SORCS3: variants seen among roughly 807,000 people sequenced by gnomAD.
The protein encoded by SORCS3 is sortilin related VPS10 domain containing receptor 3, also known as VPS10 domain-containing receptor SorCS3.
SORCS3 carries 57 observed loss-of-function variants against 146.3 expected under a neutral mutation model. The observed-to-expected ratio is 0.39, with a 90% CI of 0.31 to 0.49. The LOEUF (loss-of-function observed/expected upper bound fraction) is 0.49. SORCS3 is among the 20% of genes least tolerant of loss of function. The pLI, the probability that SORCS3 is intolerant of heterozygous loss-of-function variation, is 0.92. For missense variants in SORCS3, 1,341 were observed against 1,575.5 expected (o/e 0.85, Z 2.52); for synonymous variants, 653 against 618.5 (o/e 1.06, Z -0.83).
At chr10:104,789,248 C>G (rs1439411124) in intron 1 of SORCS3, among the ~76,000 whole-genome samples, 2 of 152,190 alleles carry the variant, frequency 1.3e-5, no homozygotes, top group African/African-American at 4.8e-5. Context: ...TCCAAGAGGT[C>G]CTGTCCTCCT....
At chr10:105,237,549 A>G (rs2056799737) in intron 20 of SORCS3, among the ~76,000 whole-genome samples, 1 of 152,208 alleles carries the variant, frequency 6.6e-6, no homozygotes. Flanking sequence ...TTTTCAGTGC[A>G]GTGCTATTTG....
intron 1 of SORCS3, among the ~76,000 whole-genome samples, chr10:104,821,465 C>T (rs1206948464): frequency 1.3e-5 from 2 of 151,954 alleles, no homozygotes. Flanking sequence ...GGTTTGTGTT[C>T]CTTTTTGGGT....
At chr10:105,100,270 C>T (rs1057017420) in intron 6 of SORCS3, among the ~76,000 whole-genome samples, 3 of 152,150 alleles carry the variant, frequency 2.0e-5, no homozygotes, top group Admixed American at 2.0e-4. Context: ...AGACATTTTA[C>T]ATTTAGAAAT....
intron 14 of SORCS3, among the ~76,000 whole-genome samples, chr10:105,188,429 G>A (rs2056492615): frequency 1.3e-5 from 2 of 152,122 alleles, no homozygotes; most frequent in Admixed American, 1.3e-4. Context: ...CTCTCCCTTT[G>A]AGGTTGTGAT....
intron 1 of SORCS3, among the ~76,000 whole-genome samples, chr10:104,784,318 G>A (rs2017407807): frequency 6.6e-6 from 1 of 152,134 alleles, no homozygotes; most frequent in Non-Finnish European, 1.5e-5. Context: ...GTAGAGGCCA[G>A]GGAGGCTGCT....
At chr10:105,006,960 G>A (rs1422393006) in intron 4 of SORCS3, among the ~76,000 whole-genome samples, 3 of 152,222 alleles carry the variant, frequency 2.0e-5, no homozygotes, top group Non-Finnish European at 4.4e-5. Context: ...GGAAGGAAAA[G>A]ACTTGGTCTC....
chr10:105,258,344 A>G (rs2056942548), intron 25 of SORCS3, among the ~76,000 whole-genome samples: 1 of 152,230 alleles, frequency 6.6e-6, no homozygotes, highest in Non-Finnish European at 1.5e-5. Flanking sequence ...CAATATAGAA[A>G]CAGCCTGGTT....
chr10:105,199,221 G>T (rs1424948369), intron 14 of SORCS3, among the ~76,000 whole-genome samples: 1 of 151,710 alleles, frequency 6.6e-6, no homozygotes, highest in Non-Finnish European at 1.5e-5. Context: ...GAGTATGGAT[G>T]ATCAGTCTTT....
intron 14 of SORCS3, among the ~76,000 whole-genome samples, chr10:105,182,230 C>CTTTTTTTTTGTTTTTTTTTT (rs2056446852): frequency 2.8e-5 from 2 of 70,486 alleles, no homozygotes; most frequent in Non-Finnish European, 5.3e-5. Flanking sequence ...TATTCAGCAT[C>CTTTTTTTTTGTTTTTTTTTT]TTTTTTTTTT....
chr10:105,054,862 A>G (rs1248238062), intron 5 of SORCS3, among the ~76,000 whole-genome samples: 5 of 152,306 alleles, frequency 3.3e-5, no homozygotes, highest in Non-Finnish European at 5.9e-5. Context: ...AAATAAAACC[A>G]AAATAGAACT....
rs541147753 is a variant in SORCS3 at position 105,155,111 on chromosome 10, C to T, written c.1483-2027C>T. ...CTACATCTTTTTAGTCCCCATTCCC[C>T]TGGTTTTGTTCTCAGAATATGTGGG... is the stretch of plus-strand genomic sequence containing the variant. On this transcript the variant is annotated intron_variant, in intron 9 of 26. Transcript: ENST00000369701. 6.6e-5 allele frequency among the ~76,000 whole-genome samples: 10 copies of T among 152,306 alleles called. No homozygotes were observed. The South Asian group carries it at 1.9e-3, about 28-fold the overall frequency.
intron 1 of SORCS3, among the ~76,000 whole-genome samples, chr10:104,691,646 T>C (rs1327244797): frequency 6.6e-6 from 1 of 152,242 alleles, no homozygotes; most frequent in African/African-American, 2.4e-5. Context: ...TTGGCTGCCC[T>C]GTCCCTCCCT....
At chr10:104,953,029 G>C (rs1342449669) in intron 3 of SORCS3, among the ~76,000 whole-genome samples, 2 of 152,162 alleles carry the variant, frequency 1.3e-5, no homozygotes, top group Non-Finnish European at 2.9e-5. Context: ...ACCTTCTGGG[G>C]CTTATTGTGT....
In SORCS3 at chr10:105,020,454, G is replaced by A. The variant is rs569837905; in HGVS notation, c.955-22601G>A. On this transcript the variant is annotated intron_variant, in intron 4 of 26. Coordinates refer to ENST00000369701, the MANE Select transcript of SORCS3 (RefSeq NM_014978.3). ...ATCTATATGACATAGGTGTGTCATC[G>A]TATTCTCTGTGCAAACCCTCTACCC... Among the ~76,000 whole-genome samples the A allele has an allele frequency of 9.9e-5, 15 of 152,188 alleles. 1 individual carries two copies. The South Asian group carries it at 2.9e-3, about 29-fold the overall frequency.
rs550780899 is a variant in SORCS3 at position 104,834,674 on chromosome 10, A to G, written c.628-8118A>G. ...TTTTTTCCCCACAGTACTCACTGCC[A>G]TTTGACTACTGCATTTGTTACCTAT... is the stretch of plus-strand genomic sequence containing the variant. On this transcript the variant is annotated intron_variant, in intron 1 of 26. Transcript: ENST00000369701. Among the ~76,000 whole-genome samples the G allele has an allele frequency of 1.2e-4, 17 of 139,436 alleles. No homozygotes were observed. The East Asian group carries it at 3.6e-3, about 29-fold the overall frequency. 91.5% of individuals were successfully genotyped at this position (139,436 alleles called of 152,430 possible). A position where few individuals can be genotyped will look rare whatever the true frequency, so the allele number is the denominator to read the frequency against.
At chr10:105,160,900 C>T (rs1403671964) in intron 11 of SORCS3, among the ~76,000 whole-genome samples, 2 of 152,092 alleles carry the variant, frequency 1.3e-5, no homozygotes, top group African/African-American at 4.8e-5. Flanking sequence ...AAACTCTGAG[C>T]TTCATTTTTC....
intron 8 of SORCS3, among the ~76,000 whole-genome samples, chr10:105,146,868 C>G (rs189010298): frequency 2.2e-4 from 34 of 152,254 alleles, no homozygotes; most frequent in Admixed American, 7.2e-4. Flanking sequence ...AATCCAACCT[C>G]TTCACTAGGT....
rs1044969544 is a variant in SORCS3, at chr10:105,208,612, A to G, written c.2262-2525A>G. On this transcript the variant is annotated intron_variant, in intron 16 of 26. Transcript: ENST00000369701. ...GTAAAGCACCTCAATAGCATGGACA[A>G]TAGAATGATAGAATATTTTTATATA... Among the ~76,000 whole-genome samples, 6 of 149,610 alleles carry G rather than the reference A, an allele frequency of 4.0e-5. No individual in the cohort carries two copies. In the South Asian group the frequency reaches 8.4e-4, roughly 21 times the overall value.
chr10:104,728,272 A>C (rs887553657), intron 1 of SORCS3, among the ~76,000 whole-genome samples: 2 of 152,124 alleles, frequency 1.3e-5, no homozygotes, highest in African/African-American at 2.4e-5. Context: ...AAGGCTTCTG[A>C]GTGATTTTTA....
Sources: gnomAD v4.1 joint callset for allele counts (sites outside exome capture counted in the v4.1 genomes callset) on GRCh38, gnomAD v4.1.1 for gene constraint, MANE v1.5 for transcripts, NCBI Gene and HGNC (gene_info 2026-07-23, HGNC 2026-07-21) for gene names.